The following ABHD12B variants were observed in gnomAD, a reference collection of about 807,000 sequenced individuals.
ABHD12B encodes the protein protein ABHD12B.
ABHD12B carries 42 observed loss-of-function variants against 50.4 expected under a neutral mutation model. The observed-to-expected ratio is 0.83, with a 90% confidence interval of 0.65 to 1.08. ABHD12B has a LOEUF of 1.08. Among genes scored for constraint, ABHD12B ranks in the 50% least tolerant of loss-of-function variants. The pLI, the probability that ABHD12B is intolerant of heterozygous loss-of-function variation, is 0.00. For synonymous variants in ABHD12B, 167 were observed against 160.3 expected (o/e 1.04, Z -0.32); for missense variants, 479 against 447.7 (o/e 1.07, Z -0.63).
intron 12 of ABHD12B, 23 bp from the exon 13 acceptor site, chr14:50,904,316 T>C (rs767516854): frequency 4.3e-6 from 7 of 1,613,806 alleles, no homozygotes; most frequent in Admixed American, 1.7e-5. Flanking sequence ...GGGTGTGAGC[T>C]GATCTGGGTC....
At position 50,885,597 on chromosome 14, in the gene ABHD12B, G is replaced by T; in HGVS notation, c.487-17G>T. Reference sequence around the variant, plus strand: ...TCATCTTCTAATTAAAGTGATAACAGCTCCTTTGTTACCTAGGTGCTGAGT... The same window carrying T: ...TCATCTTCTAATTAAAGTGATAACATCTCCTTTGTTACCTAGGTGCTGAGT... On this transcript the variant is annotated splice_polypyrimidine_tract_variant and intron_variant, in intron 5 of 12. Coordinates refer to ENST00000337334, the MANE Select transcript of ABHD12B (RefSeq NM_001206673.2). The T allele has an allele frequency of 6.2e-7, 1 of 1,614,146 alleles. No homozygotes were observed.
intron 9 of ABHD12B, among the ~76,000 whole-genome samples, chr14:50,897,515 A>G (rs2050213018): frequency 1.3e-5 from 2 of 152,176 alleles, no homozygotes; most frequent in African/African-American, 2.4e-5. Context: ...TAGTGTTTGC[A>G]TGGTATAGGT....
intron 8 of ABHD12B, among the ~76,000 whole-genome samples, chr14:50,888,144 C>T (rs900211527): frequency 6.6e-6 from 1 of 152,020 alleles, no homozygotes; most frequent in Non-Finnish European, 1.5e-5. Flanking sequence ...GCCTCTGGCA[C>T]ATTCTTAGCA....
At chr14:50,884,962 A>G (rs2095916) in intron 5 of ABHD12B, among the ~76,000 whole-genome samples, 5,075 of 152,150 alleles carry the variant, frequency 0.033, 226 homozygotes, top group East Asian at 0.15. Context: ...GATTGCTTCT[A>G]CTACAACTCT....
At position 50,895,053 on chromosome 14, in the gene ABHD12B, C is replaced by G. The variant is rs534848322; in HGVS notation, c.780+6150C>G. Among the ~76,000 whole-genome samples, 6 of 149,572 alleles carry G rather than the reference C, an allele frequency of 4.0e-5. 1 individual carries two copies. The highest frequency in any genetic ancestry group is 1.5e-4 in the African/African-American group (6 of 39,034). On this transcript the variant is annotated intron_variant, in intron 9 of 12. Coordinates refer to ENST00000337334, the MANE Select transcript of ABHD12B (RefSeq NM_001206673.2). ...ATAGTCAAGGTTAATGCTCCTTTTT[C>G]TTTATCCCAAATCAGATAGCATTTA...
At chr14:50,904,011 T>C (rs2050298185) in intron 11 of ABHD12B, 63 bp from the exon 12 acceptor site, 4 of 1,358,382 alleles carry the variant, frequency 2.9e-6, no homozygotes, top group Admixed American at 1.9e-5. Context: ...TTTAGGGAAA[T>C]TGGACTAGAA....
At chr14:50,886,954 G>A (rs373427062) in intron 8 of ABHD12B, among the ~76,000 whole-genome samples, 1 of 151,960 alleles carries the variant, frequency 6.6e-6, no homozygotes, top group African/African-American at 2.4e-5. Flanking sequence ...GGTGGCTCAC[G>A]CCTGTAATCC....
intron 8 of ABHD12B, among the ~76,000 whole-genome samples, chr14:50,887,345 G>A (rs370697824): frequency 1.3e-5 from 2 of 151,540 alleles, no homozygotes; most frequent in African/African-American, 4.9e-5. Context: ...TTATGTCAGG[G>A]TTTCTCAAAG....
chr14:50,877,721 G>T (rs2049881198), intron 1 of ABHD12B, among the ~76,000 whole-genome samples: 1 of 152,034 alleles, frequency 6.6e-6, no homozygotes, highest in African/African-American at 2.4e-5. Flanking sequence ...ACAAAAATTA[G>T]CCAGGCATGG....
intron 8 of ABHD12B, among the ~76,000 whole-genome samples, chr14:50,887,395 A>C (rs2050057747): frequency 6.6e-6 from 1 of 152,036 alleles, no homozygotes; most frequent in African/African-American, 2.4e-5. Context: ...ACCCTAGCTG[A>C]TTTGAAGAAT....
intron 9 of ABHD12B, among the ~76,000 whole-genome samples, chr14:50,900,760 G>A (rs891328823): frequency 6.6e-6 from 1 of 152,222 alleles, no homozygotes; most frequent in African/African-American, 2.4e-5. Flanking sequence ...AGCAGAGCCA[G>A]GAGGTGGACA....
rs80123407 is a variant in ABHD12B at position 50,887,964 on chromosome 14, G to A, written c.701-860G>A. ...CACTATTGCTTTCAACTGAGTTGAG[G>A]GAAAAGGCAGCTCAAACTCTCTGGA... On this transcript the variant is annotated intron_variant, in intron 8 of 12. Transcript: ENST00000337334. Among the ~76,000 whole-genome samples, 820 of 152,252 alleles carry A rather than the reference G, an allele frequency of 5.4e-3. 5 individuals carry two copies. Among genetic ancestry groups the A allele is most frequent in the Middle Eastern group, 0.014 (4 of 294 alleles).
intron 9 of ABHD12B, among the ~76,000 whole-genome samples, chr14:50,889,705 C>T (rs1384277717): frequency 6.6e-6 from 1 of 152,190 alleles, no homozygotes; most frequent in African/African-American, 2.4e-5. Flanking sequence ...ACCTAATGCT[C>T]AATTGTTTAG....
chr14:50,892,202 A>G (rs2050128803), intron 9 of ABHD12B: 1 of 153,082 alleles, frequency 6.5e-6, no homozygotes, highest in African/African-American at 2.4e-5. Flanking sequence ...TTAATTTTAC[A>G]TTTATTTCTC....
intron 1 of ABHD12B, among the ~76,000 whole-genome samples, chr14:50,877,587 G>C (rs571031278): frequency 1.1e-4 from 16 of 152,272 alleles, no homozygotes; most frequent in African/African-American, 3.6e-4. Flanking sequence ...AAAAGATTTT[G>C]CTTAAATGCC....
Position 50,903,424 on chromosome 14 carries a change from A to C in ABHD12B, c.899A>C (p.His300Pro). 1 of 1,612,556 alleles carries C rather than the reference A, an allele frequency of 6.2e-7. No individual in the cohort carries two copies. The highest frequency in any genetic ancestry group is 8.5e-7 in the Non-Finnish European group (1 of 1,178,988). The change falls in exon 11 of 13, where the codon CAT becomes CCT. Residue 300 changes from histidine to proline, a missense_variant. Coordinates refer to ENST00000337334, the MANE Select transcript of ABHD12B (RefSeq NM_001206673.2). ...CTTTCTTCTCCTCTTCTCATCTTAC[A>C]TGGAGAGGATGACAGGACAGTGCCT... ...KFLSSPLLIL[H>P]GEDDRTVPLE...
chr14:50,886,558 G>T, intron 7 of ABHD12B, 89 bp from the exon 8 acceptor site: 1 of 1,289,762 alleles, frequency 7.8e-7, no homozygotes, highest in Non-Finnish European at 1.1e-6. Context: ...TAACCAGAGA[G>T]CCCAGAGCTT....
rs386381352 is a variant in ABHD12B, at chr14:50,882,373, C to CTTTTTTTTTTTTTTTTTTTTTT, written c.486+768_486+769insTTTTTTTTTTTTTTTTTTTTTT. On this transcript the variant is annotated intron_variant, in intron 5 of 12. Coordinates refer to ENST00000337334, the MANE Select transcript of ABHD12B (RefSeq NM_001206673.2). ...ATAGGCTAAAGACACAGAATGTCTG[C>CTTTTTTTTTTTTTTTTTTTTTT]TTTTTTTTTTTTTTTTTTTTTGAGA... Among the ~76,000 whole-genome samples the CTTTTTTTTTTTTTTTTTTTTTT allele has an allele frequency of 1.8e-4, 15 of 81,834 alleles. 1 individual carries two copies. Among genetic ancestry groups the CTTTTTTTTTTTTTTTTTTTTTT allele is most frequent in the African/African-American group, 6.7e-4 (13 of 19,318 alleles). 53.7% of individuals were successfully genotyped at this position (81,834 alleles called of 152,430 possible). A position where few individuals can be genotyped will look rare whatever the true frequency, so the allele number is the denominator to read the frequency against.
At chr14:50,889,980 C>A (rs555588794) in intron 9 of ABHD12B, among the ~76,000 whole-genome samples, 17 of 152,252 alleles carry the variant, frequency 1.1e-4, no homozygotes, top group African/African-American at 3.9e-4. Flanking sequence ...TCTAGGACAG[C>A]GAGTTCACAT....
Sources: allele counts gnomAD v4.1 joint callset (sites outside exome capture counted in the v4.1 genomes callset), GRCh38; gene constraint gnomAD v4.1.1; transcripts MANE v1.5; gene names NCBI Gene and HGNC (gene_info 2026-07-23, HGNC 2026-07-21).